Variants in QTGAL observed in about 807,000 individuals in gnomAD.
QTGAL encodes queuosine-tRNA galactosyltransferase.
the QTGAL span, chr17:82,945,042 CAGA>C: frequency 6.6e-6 from 1 of 152,070 alleles, no homozygotes; most frequent in Admixed American, 6.5e-5. Context: ...CAGACAAGGG[CAGA>C]AGATGCAAAT....
At chr17:83,028,787 C>T in the QTGAL span, among the ~76,000 whole-genome samples, 1 of 152,174 alleles carries the variant, frequency 6.6e-6, no homozygotes, top group Non-Finnish European at 1.5e-5. Context: ...TCCCAAGGTA[C>T]ATCCACAGAA....
At chr17:82,942,388 C>T in the QTGAL span, 1 of 1,612,578 alleles carries the variant, frequency 6.2e-7, no homozygotes, top group Non-Finnish European at 8.5e-7. Context: ...TGAGGGTCCC[C>T]TGGCTGGGAA....
At chr17:83,041,674 G>A in the QTGAL span, among the ~76,000 whole-genome samples, 1 of 152,182 alleles carries the variant, frequency 6.6e-6, no homozygotes, top group Non-Finnish European at 1.5e-5. Context: ...AAATGCTTGG[G>A]GGCCTGGGAG....
the QTGAL span, among the ~76,000 whole-genome samples, chr17:83,028,907 C>T: frequency 1.3e-5 from 2 of 152,140 alleles, no homozygotes; most frequent in Admixed American, 6.5e-5. Context: ...CAGTAAGGAG[C>T]CACCAATACA....
chr17:82,999,455 C>T, the QTGAL span, among the ~76,000 whole-genome samples: 1 of 152,172 alleles, frequency 6.6e-6, no homozygotes, highest in Admixed American at 6.5e-5. Flanking sequence ...GGTGCTGACC[C>T]CCTGCACAGT....
chr17:82,989,841 TA>T, the QTGAL span, among the ~76,000 whole-genome samples: 6 of 151,870 alleles, frequency 4.0e-5, no homozygotes, highest in Non-Finnish European at 8.8e-5. Context: ...TTACAAACAA[TA>T]AAAAACTAAA....
At chr17:83,026,377 A>G in the QTGAL span, among the ~76,000 whole-genome samples, 2 of 152,244 alleles carry the variant, frequency 1.3e-5, no homozygotes, top group Non-Finnish European at 2.9e-5. Context: ...GCAGCCCAAA[A>G]GCCTGTCCAC....
At chr17:82,965,820 C>A in the QTGAL span, 1 of 1,413,686 alleles carries the variant, frequency 7.1e-7, no homozygotes, top group South Asian at 1.2e-5. Flanking sequence ...TTTATTTCCA[C>A]AAAGTGTCAC....
chr17:83,051,760 T>G, the QTGAL span: 358,135 of 1,491,510 alleles, frequency 0.24, 44,736 homozygotes, highest in East Asian at 0.28. Context: ...ATGGCCTGGC[T>G]CTCCTCGGAC....
the QTGAL span, among the ~76,000 whole-genome samples, chr17:83,028,120 G>A: frequency 6.6e-5 from 10 of 151,660 alleles, no homozygotes; most frequent in Admixed American, 2.0e-4. Flanking sequence ...CCCTCAGAAC[G>A]ACCTGCACGC....
the QTGAL span, chr17:82,957,632 G>T: frequency 3.2e-6 from 4 of 1,250,878 alleles, no homozygotes; most frequent in South Asian, 4.6e-5. Flanking sequence ...AGAGAGACTG[G>T]CTGTCCTACA....
At chr17:82,971,657 C>A in the QTGAL span, among the ~76,000 whole-genome samples, 1 of 94,248 alleles carries the variant, frequency 1.1e-5, no homozygotes, top group Non-Finnish European at 2.2e-5. Flanking sequence ...CCACACCACA[C>A]CACAGGGGCC....
the QTGAL span, among the ~76,000 whole-genome samples, chr17:82,976,318 A>G: frequency 1.1e-5 from 1 of 88,014 alleles, no homozygotes; most frequent in African/African-American, 7.2e-5. Flanking sequence ...GCTGGAGGCC[A>G]CTTATGGGGA....
At chr17:82,980,781 G>GCGGGGCC in the QTGAL span, among the ~76,000 whole-genome samples, 1 of 152,328 alleles carries the variant, frequency 6.6e-6, no homozygotes, top group South Asian at 2.1e-4. Flanking sequence ...TTGGGTTACT[G>GCGGGGCC]TACGAGTTCA....
At chr17:83,043,410 C>G in the QTGAL span, among the ~76,000 whole-genome samples, 1 of 152,142 alleles carries the variant, frequency 6.6e-6, no homozygotes, top group Non-Finnish European at 1.5e-5. Flanking sequence ...AAACCATATA[C>G]TCTTCAGCAA....
chr17:83,005,468 C>T, the QTGAL span: 1 of 642,234 alleles, frequency 1.6e-6, no homozygotes. The surrounding 1 kb of genome is among the most constrained non-coding windows in gnomAD (Gnocchi z 5.6). Flanking sequence ...CGGTGAACCA[C>T]AGAGCTGCCC....
At chr17:83,040,737 G>A in the QTGAL span, among the ~76,000 whole-genome samples, 1 of 152,118 alleles carries the variant, frequency 6.6e-6, no homozygotes, top group African/African-American at 2.4e-5. Flanking sequence ...AAATATTCTT[G>A]AGCAAGAGAA....
the QTGAL span, among the ~76,000 whole-genome samples, chr17:82,973,251 G>C: frequency 2.6e-5 from 4 of 151,544 alleles, no homozygotes; most frequent in Non-Finnish European, 5.9e-5. Flanking sequence ...ACAGGAGGAC[G>C]AGTAGACACA....
At chr17:83,043,203 T>C in the QTGAL span, among the ~76,000 whole-genome samples, 23,300 of 152,152 alleles carry the variant, frequency 0.15, 1,887 homozygotes, top group African/African-American at 0.21. Context: ...ATACTCCACT[T>C]GACAGCAGCA....
Sources: gnomAD v4.1 joint callset for allele counts (sites outside exome capture counted in the v4.1 genomes callset) on GRCh38, gnomAD v4.1.1 for gene constraint, Gnocchi (gnomAD v3.1) non-coding constraint, MANE v1.5 for transcripts, NCBI Gene and HGNC (gene_info 2026-07-23, HGNC 2026-07-21) for gene names.